Variants in OTOF observed in about 807,000 individuals in gnomAD.
OTOF encodes otoferlin.
In OTOF, 218 loss-of-function variants were observed where a neutral mutation model predicts 236.8. That is an observed-to-expected ratio of 0.92 (90% CI 0.82 to 1.03). The LOEUF is 1.03. Among genes scored for constraint, OTOF ranks in the 50% least tolerant of loss-of-function variants. The pLI is 0.00. For missense variants in OTOF, 2,590 were observed against 2,694.4 expected, an observed-to-expected ratio of 0.96 and a Z score of 0.86; for synonymous variants, 1,041 against 1,072.5, an observed-to-expected ratio of 0.97 and a Z score of 0.57.
At chr2:26,482,649 G>T (rs1457287519) in intron 13 of OTOF, 57 bp from the exon 14 acceptor site, 1 of 1,296,532 alleles carries the variant, frequency 7.7e-7, no homozygotes, top group Non-Finnish European at 1.1e-6. Flanking sequence ...GTGGGTGCAT[G>T]TGTGTGTGTG....
At chr2:26,527,653 G>A (rs1666841265) in intron 3 of OTOF, among the ~76,000 whole-genome samples, 179 bp downstream of exon 3, 1 of 152,202 alleles carries the variant, frequency 6.6e-6, no homozygotes, top group Non-Finnish European at 1.5e-5. Flanking sequence ...AAGACAAGAA[G>A]AGGGATCAAA....
At chr2:26,542,969 G>T (rs1667242965) in intron 1 of OTOF, among the ~76,000 whole-genome samples, 1 of 152,188 alleles carries the variant, frequency 6.6e-6, no homozygotes, top group Admixed American at 6.5e-5. Flanking sequence ...AACTCTGCTG[G>T]TGACTCAGAC....
intron 2 of OTOF, 143 bp downstream of exon 2, chr2:26,537,573 C>T (rs1667103578): frequency 1.4e-6 from 1 of 704,156 alleles, no homozygotes; most frequent in African/African-American, 1.8e-5. Flanking sequence ...CCACCTCCTT[C>T]AGGAAGCAGC....
At chr2:26,528,044 TC>T in intron 2 of OTOF, 124 bp from the exon 3 acceptor site, 1 of 738,094 alleles carries the variant, frequency 1.4e-6, no homozygotes, top group East Asian at 2.6e-5. Context: ...GGCCCAGTGC[TC>T]CCCAGGGACA....
At chr2:26,527,791 C>T in intron 3 of OTOF, 41 bp downstream of exon 3, 1 of 1,443,552 alleles carries the variant, frequency 6.9e-7, no homozygotes, top group Non-Finnish European at 9.8e-7. Context: ...AGGCTCCCAG[C>T]CCGTCCAGGC....
At chr2:26,555,927 C>G (rs1466075653) in intron 1 of OTOF, among the ~76,000 whole-genome samples, 2 of 152,184 alleles carry the variant, frequency 1.3e-5, no homozygotes, top group African/African-American at 4.8e-5. Context: ...TATTATCATG[C>G]CCATTTTACA....
chr2:26,533,703 C>T (rs535783165), intron 2 of OTOF, among the ~76,000 whole-genome samples: 27 of 152,216 alleles, frequency 1.8e-4, no homozygotes, highest in African/African-American at 4.8e-4. Context: ...CTTGATGTAC[C>T]ACTAGCCCTG....
chr2:26,499,398 C>T (rs541392414), intron 8 of OTOF, among the ~76,000 whole-genome samples: 1 of 152,202 alleles, frequency 6.6e-6, no homozygotes, highest in Admixed American at 6.5e-5. Flanking sequence ...AGTCTCCCCA[C>T]ATCTCACCAA....
intron 12 of OTOF, among the ~76,000 whole-genome samples, 197 bp from the exon 13 acceptor site, chr2:26,483,845 G>A (rs538692287): frequency 2.0e-5 from 3 of 152,308 alleles, no homozygotes; most frequent in Non-Finnish European, 4.4e-5. Flanking sequence ...CTGAGCTGCC[G>A]TTTCCTCACT....
intron 1 of OTOF, among the ~76,000 whole-genome samples, chr2:26,552,319 G>A (rs1667482355): frequency 6.6e-6 from 1 of 152,194 alleles, no homozygotes; most frequent in Admixed American, 6.5e-5. Flanking sequence ...GAACCCAGGA[G>A]GTTGAGGTTG....
Position 26,464,937 on chromosome 2 carries a change from C to T in OTOF, c.4892G>A (p.Gly1631Glu), listed in dbSNP as rs771174697. The T allele has an allele frequency of 8.2e-6, 13 of 1,582,740 alleles. No individual in the cohort carries two copies. The East Asian group carries it at 2.5e-4, about 31-fold the overall frequency. ...GGCCACCTTCACTCTCCCAGGGGGC[C>T]CAAAGTGGGGGCCGTCCACTTTGCC... ...KDGKVDGPHF[G>E]PPGRVKVANR... The change falls in exon 39 of 47, where the codon GGG becomes GAG. Residue 1631 changes from glycine to glutamate, a missense_variant. Transcript: ENST00000272371.
At chr2:26,503,729 C>T (rs370808395) in intron 6 of OTOF, 43 bp downstream of exon 6, 610 of 1,575,142 alleles carry the variant, frequency 3.9e-4, no homozygotes, top group Non-Finnish European at 5.2e-4. Flanking sequence ...GGGAGGGCGC[C>T]GCGAGGCGCG....
intron 5 of OTOF, among the ~76,000 whole-genome samples, chr2:26,513,356 G>A (rs964780274): frequency 1.3e-5 from 2 of 152,178 alleles, no homozygotes; most frequent in Non-Finnish European, 2.9e-5. Flanking sequence ...GGGCTGGGGG[G>A]TGGACCCAGG....
In OTOF at chr2:26,479,508, G is replaced by A. The variant is rs1665463626; in HGVS notation, c.2058C>T (p.Ser686=). The A allele has an allele frequency of 1.9e-6, 3 of 1,603,376 alleles. No individual in the cohort carries two copies. The highest frequency in any genetic ancestry group is 1.7e-5 in the Admixed American group (1 of 58,056). ...AGDAGDLASV[S]STPPMRPQVT... is the part of the protein sequence containing the mutation. ...CCTGGGGCCGCATTGGTGGAGTGGA[G>A]GAGACTGAGGCCAGGTCCCCGGCAT... Residue 686 remains serine (S), a synonymous_variant, in exon 17 of 47, where the codon TCC becomes TCT. Transcript: ENST00000272371.
chr2:26,553,330 T>C (rs1391863052), intron 1 of OTOF, among the ~76,000 whole-genome samples: 4 of 152,174 alleles, frequency 2.6e-5, no homozygotes, highest in African/African-American at 9.7e-5. Flanking sequence ...CCAAAAAGAC[T>C]TCACCTTCCT....
At chr2:26,464,801 GT>G in intron 39 of OTOF, 67 bp downstream of exon 39, 2 of 1,477,352 alleles carry the variant, frequency 1.4e-6, no homozygotes, top group Non-Finnish European at 1.8e-6. Context: ...CCAGGGAAGT[GT>G]GGGCCCCTCC....
At chr2:26,546,043 T>C (rs1667321918) in intron 1 of OTOF, among the ~76,000 whole-genome samples, 2 of 152,236 alleles carry the variant, frequency 1.3e-5, no homozygotes, top group African/African-American at 4.8e-5. Flanking sequence ...TAGACTACTG[T>C]TAACCAGAAG....
chr2:26,484,985 G>C (rs566546746), intron 11 of OTOF, among the ~76,000 whole-genome samples: 104 of 152,254 alleles, frequency 6.8e-4, no homozygotes, highest in Non-Finnish European at 1.3e-3. Context: ...CTGCACACAG[G>C]GCCTTCCCAG....
At position 26,523,481 on chromosome 2, in the gene OTOF, G is replaced by A. The variant is rs546743232; in HGVS notation, c.227+4351C>T. Among the ~76,000 whole-genome samples, 10 of 152,154 alleles carry A rather than the reference G, an allele frequency of 6.6e-5. No individual in the cohort carries two copies. In the East Asian group the frequency reaches 9.7e-4, roughly 15 times the overall value. On this transcript the variant is annotated intron_variant, in intron 3 of 46. Transcript: ENST00000272371. The stretch of plus-strand genomic sequence containing the variant: ...AGTGATGGGATCAGGCTCATTTCTC[G>A]TCCTGGGACCCACTCTCCCAGGCAG...
Sources: allele counts gnomAD v4.1 joint callset (sites outside exome capture counted in the v4.1 genomes callset), GRCh38; gene constraint gnomAD v4.1.1; transcripts MANE v1.5; gene names NCBI Gene and HGNC (gene_info 2026-07-23, HGNC 2026-07-21).